DOCK6: variants seen among roughly 807,000 people sequenced by gnomAD.
DOCK6 encodes the protein dedicator of cytokinesis 6, also known as dedicator of cytokinesis protein 6.
Under a neutral mutation model 230.3 loss-of-function variants are expected in DOCK6, and 167 were observed. The observed-to-expected ratio is 0.73, with a 90% CI of 0.64 to 0.82. The LOEUF is 0.82. DOCK6 is among the 40% of genes least tolerant of loss of function. The pLI, the probability that DOCK6 is intolerant of heterozygous loss-of-function variation, is 0.00. For missense variants in DOCK6, 2,598 were observed against 2,825.8 expected, an observed-to-expected ratio of 0.92 and a Z score of 1.83; for synonymous variants, 1,148 against 1,185.0, an observed-to-expected ratio of 0.97 and a Z score of 0.64.
At chr19:11,255,121 C>T (rs549003109) in intron 1 of DOCK6, among the ~76,000 whole-genome samples, 10 of 151,782 alleles carry the variant, frequency 6.6e-5, no homozygotes, top group Non-Finnish European at 4.4e-5. Flanking sequence ...CTCCTGCCTC[C>T]GCCTCCTGAG....
chr19:11,245,418 A>G (rs1345910194), intron 9 of DOCK6, 145 bp downstream of exon 9: 2 of 900,256 alleles, frequency 2.2e-6, no homozygotes, highest in Admixed American at 2.1e-5. Flanking sequence ...CCTGAGTTGG[A>G]TCAGGGGCCT....
chr19:11,257,599 G>A (rs1267481991), intron 1 of DOCK6, among the ~76,000 whole-genome samples: 2 of 151,472 alleles, frequency 1.3e-5, no homozygotes, highest in Non-Finnish European at 2.9e-5. Context: ...CACCAGCCTG[G>A]CCAACATGGT....
rs1236916302 is a variant in DOCK6 at position 11,209,232 on chromosome 19, G to A, written c.4752-129C>T. On this transcript the variant is annotated intron_variant, in intron 37 of 47. Coordinates refer to ENST00000294618, the MANE Select transcript of DOCK6 (RefSeq NM_020812.4). ...CAAGGACCAGCCAATCTCCTCACCT[G>A]TACCCCATCCCCTCACTCATTCCCT... 2.6e-5 allele frequency: 27 copies of A among 1,055,002 alleles called. No homozygotes were observed. In the South Asian group the frequency reaches 3.5e-4, roughly 14 times the overall value. The allele number at this position is 1,055,002 out of a possible 1,614,324, so 65.4% of individuals were successfully genotyped here. A position where few individuals can be genotyped will look rare whatever the true frequency, so the allele number is the denominator to read the frequency against.
chr19:11,238,157 AC>A lies in DOCK6; in HGVS notation c.1761+29del, dbSNP rs777991782. The A allele has an allele frequency of 3.7e-5, 60 of 1,612,566 alleles. No homozygotes were observed. In the African/African-American group the frequency reaches 4.8e-4, roughly 13 times the overall value. ...ATGAGGGACCCATGGGGGATGCCCT[AC>A]CCCCCTTCCCTGGGGCACAGCCACT... On this transcript the variant is annotated intron_variant, in intron 15 of 47. Coordinates refer to ENST00000294618, the MANE Select transcript of DOCK6 (RefSeq NM_020812.4).
Position 11,252,195 on chromosome 19 carries a change from TC to T in DOCK6, c.430del (p.Glu144SerfsTer51). On this transcript the variant is annotated frameshift_variant, in exon 5 of 48. Coordinates refer to ENST00000294618, the MANE Select transcript of DOCK6 (RefSeq NM_020812.4). LOFTEE classifies it high-confidence loss of function. ...YSPVTTDTQR[E>X]RQKGLPRQVF... ...CTGGCGGGGGAGGCCCTTCTGTCGCTCCCGCTGTGTGTCTGTGGTGACGGGG... is the reference window on the plus strand; with the variant it reads ...CTGGCGGGGGAGGCCCTTCTGTCGCTCCGCTGTGTGTCTGTGGTGACGGGG... The T allele has an allele frequency of 6.3e-7, 1 of 1,582,164 alleles. No individual in the cohort carries two copies. Among genetic ancestry groups the T allele is most frequent in the Non-Finnish European group, 8.6e-7 (1 of 1,164,186 alleles).
chr19:11,224,064 G>A (rs1409296603), intron 24 of DOCK6, among the ~76,000 whole-genome samples: 2 of 152,052 alleles, frequency 1.3e-5, no homozygotes, highest in African/African-American at 2.4e-5. Context: ...TGTGTGGGGC[G>A]GGGGCAGGGA....
intron 23 of DOCK6, 51 bp downstream of exon 23, chr19:11,228,888 AG>A: frequency 6.3e-7 from 1 of 1,574,968 alleles, no homozygotes; most frequent in South Asian, 1.1e-5. Context: ...TAAAAAAGGA[AG>A]GGGCTCCACT....
At chr19:11,231,407 T>A (rs1308469267) in intron 22 of DOCK6, among the ~76,000 whole-genome samples, 1 of 151,400 alleles carries the variant, frequency 6.6e-6, no homozygotes, top group Non-Finnish European at 1.5e-5. Flanking sequence ...CGGTTGCTAC[T>A]TGCTTCCTTT....
At chr19:11,241,806 A>G (rs901946490) in intron 14 of DOCK6, 13 of 1,477,352 alleles carry the variant, frequency 8.8e-6, no homozygotes, top group African/African-American at 2.8e-5. Flanking sequence ...GCCGGGCCCC[A>G]CTTCTGAGCA....
Position 11,236,333 on chromosome 19 carries a change from C to T in DOCK6, c.2392+13G>A. Reference sequence around the variant, plus strand: ...GGATGGGGAAACTGAGGTCTGAGGCCACATTCGCTTACCAATCTGGCCACT... The same window carrying T: ...GGATGGGGAAACTGAGGTCTGAGGCTACATTCGCTTACCAATCTGGCCACT... On this transcript the variant is annotated intron_variant, in intron 20 of 47. Transcript: ENST00000294618. This position sits in a 1 kb window ranked among gnomAD's most constrained non-coding sequence, Gnocchi z 5.2. 1 of 1,538,154 alleles carries T rather than the reference C, an allele frequency of 6.5e-7. No individual in the cohort carries two copies. Among genetic ancestry groups the T allele is most frequent in the Non-Finnish European group, 8.8e-7 (1 of 1,135,850 alleles).
intron 13 of DOCK6, 83 bp from the exon 14 acceptor site, chr19:11,242,290 A>C: frequency 7.8e-7 from 1 of 1,285,480 alleles, no homozygotes; most frequent in South Asian, 3.0e-5. Flanking sequence ...GTCAGGGCAG[A>C]CTCTCCCATG....
intron 16 of DOCK6, 46 bp from the exon 17 acceptor site, chr19:11,237,825 C>T: frequency 6.6e-7 from 1 of 1,523,088 alleles, no homozygotes; most frequent in Non-Finnish European, 8.9e-7. Context: ...GGGGTCCCCA[C>T]TGTCTGCCCC....
chr19:11,259,354 G>A (rs138300210), intron 1 of DOCK6, among the ~76,000 whole-genome samples: 194 of 151,986 alleles, frequency 1.3e-3, no homozygotes, highest in African/African-American at 4.5e-3. Context: ...TGGTATGAAT[G>A]TTGTATGTTA....
chr19:11,227,693 A>G (rs2147800069), intron 23 of DOCK6, among the ~76,000 whole-genome samples: 1 of 151,326 alleles, frequency 6.6e-6, no homozygotes, highest in South Asian at 2.1e-4. Flanking sequence ...AGCTGCAGGT[A>G]GAAGCTGGGG....
rs778056408 is a variant in DOCK6 at position 11,200,863 on chromosome 19, C to T, written c.5833-41G>A. 6 of 1,613,404 alleles carry T rather than the reference C, an allele frequency of 3.7e-6. No individual in the cohort carries two copies. The highest frequency in any genetic ancestry group is 1.7e-5 in the Admixed American group (1 of 60,002). ...GACTGGTGAGCCAGCCTGCATGGCA[C>T]CTGGAGTCCCCCGTGCGGCTTGCAT... On this transcript the variant is annotated intron_variant, in intron 45 of 47. Transcript: ENST00000294618. This position sits in a 1 kb window ranked among gnomAD's most constrained non-coding sequence, Gnocchi z 4.3.
intron 47 of DOCK6, among the ~76,000 whole-genome samples, chr19:11,199,917 A>G (rs1234856687): frequency 6.6e-6 from 1 of 152,060 alleles, no homozygotes; most frequent in Non-Finnish European, 1.5e-5. Context: ...AGGAGGGCAA[A>G]GCGGATGGAT....
intron 1 of DOCK6, among the ~76,000 whole-genome samples, chr19:11,260,882 C>CAAAAAAAAAAAAAAAAAAAAAAAAAA (rs59900669): frequency 4.9e-5 from 3 of 61,756 alleles, no homozygotes; most frequent in African/African-American, 1.4e-4. Flanking sequence ...GACTCTGTCT[C>CAAAAAAAAAAAAAAAAAAAAAAAAAA]AAAAAAAAAA....
intron 14 of DOCK6, chr19:11,241,676 C>T (rs563748626): frequency 1.9e-6 from 3 of 1,583,608 alleles, no homozygotes; most frequent in South Asian, 1.2e-5. Flanking sequence ...CACAGCGGCG[C>T]TCCCAGCCTG....
chr19:11,206,411 G>T (rs1422230917), intron 39 of DOCK6: 1 of 150,486 alleles, frequency 6.6e-6, no homozygotes, highest in East Asian at 2.0e-4. Context: ...AATGAACGAA[G>T]AAAAAAAAAT....
Sources: gnomAD v4.1 joint callset for allele counts (sites outside exome capture counted in the v4.1 genomes callset) on GRCh38, gnomAD v4.1.1 for gene constraint, Gnocchi (gnomAD v3.1) non-coding constraint, MANE v1.5 for transcripts, NCBI Gene and HGNC (gene_info 2026-07-23, HGNC 2026-07-21) for gene names.